The following BAZ2B variants were observed in gnomAD, a reference collection of about 807,000 sequenced individuals.
BAZ2B encodes the protein bromodomain adjacent to zinc finger domain protein 2B.
In BAZ2B, 91 loss-of-function variants were observed where a neutral mutation model predicts 246.0. That is an observed-to-expected ratio of 0.37 (90% confidence interval 0.31 to 0.44). The LOEUF is 0.44. BAZ2B is among the 20% of genes least tolerant of loss of function. BAZ2B has a pLI of 1.00. For synonymous variants in BAZ2B, 855 were observed against 860.0 expected, an observed-to-expected ratio of 0.99 and a Z score of 0.10; for missense variants, 2,332 against 2,533.7, an observed-to-expected ratio of 0.92 and a Z score of 1.71.
At chr2:159,626,142 A>G in the BAZ2B span, among the ~76,000 whole-genome samples, 11 of 152,316 alleles carry the variant, frequency 7.2e-5, no homozygotes, top group Non-Finnish European at 1.5e-4. Context: ...TCCTAAATAT[A>G]TATGCACCCA....
At chr2:159,346,715 A>G (rs186315365) in intron 31 of BAZ2B, among the ~76,000 whole-genome samples, 430 of 151,820 alleles carry the variant, frequency 2.8e-3, no homozygotes, top group African/African-American at 9.5e-3. Context: ...AAAACAAAAA[A>G]CCCCCAAACC....
chr2:159,502,673 A>G (rs1414359601), intron 2 of BAZ2B, among the ~76,000 whole-genome samples: 1 of 152,122 alleles, frequency 6.6e-6, no homozygotes, highest in Admixed American at 6.6e-5. Flanking sequence ...GTACTCAATG[A>G]CAGAATGCCA....
intron 27 of BAZ2B, among the ~76,000 whole-genome samples, chr2:159,359,525 G>T (rs1322244769): frequency 1.3e-5 from 2 of 152,112 alleles, no homozygotes; most frequent in Non-Finnish European, 2.9e-5. Context: ...TCTACCAGAG[G>T]TACAAAAGCG....
intron 10 of BAZ2B, among the ~76,000 whole-genome samples, chr2:159,429,829 T>C (rs1218720155): frequency 6.6e-6 from 1 of 152,182 alleles, no homozygotes; most frequent in Non-Finnish European, 1.5e-5. Flanking sequence ...ATTAGTAGGC[T>C]ATCATATTGG....
intron 1 of BAZ2B, among the ~76,000 whole-genome samples, chr2:159,585,300 T>G (rs1687784162): frequency 1.3e-5 from 2 of 152,174 alleles, no homozygotes. Context: ...TAAAGTGGCT[T>G]GCTCCACTTC....
chr2:159,436,734 G>A (rs1358507030), intron 8 of BAZ2B, among the ~76,000 whole-genome samples: 1 of 152,152 alleles, frequency 6.6e-6, no homozygotes, highest in Non-Finnish European at 1.5e-5. Flanking sequence ...CTGGGCAACA[G>A]AGCGAGACTC....
chr2:159,434,126 G>A (rs935876749), intron 8 of BAZ2B: 1 of 151,606 alleles, frequency 6.6e-6, no homozygotes, highest in African/African-American at 2.4e-5. Context: ...GCTCCATTGT[G>A]AAGTTGAAAG....
intron 17 of BAZ2B, 95 bp from the exon 18 acceptor site, chr2:159,398,989 G>T (rs1392378226): frequency 1.8e-6 from 2 of 1,099,654 alleles, no homozygotes; most frequent in African/African-American, 1.6e-5. Flanking sequence ...GTCTCACAAG[G>T]TACGAAACAG....
chr2:159,562,567 A>G (rs2089981599), intron 1 of BAZ2B, among the ~76,000 whole-genome samples: 1 of 152,200 alleles, frequency 6.6e-6, no homozygotes, highest in African/African-American at 2.4e-5. Flanking sequence ...TCTTGAGGTT[A>G]ATGTATATAC....
At chr2:159,599,103 G>A (rs966908985) in intron 1 of BAZ2B, among the ~76,000 whole-genome samples, 13 of 152,140 alleles carry the variant, frequency 8.5e-5, no homozygotes, top group South Asian at 4.1e-4. Flanking sequence ...GGGGGCACAC[G>A]CCTGTAATCC....
intron 29 of BAZ2B, 48 bp downstream of exon 29, chr2:159,348,959 T>C (rs1444408887): frequency 5.0e-6 from 8 of 1,593,292 alleles, no homozygotes; most frequent in Middle Eastern, 1.7e-4. Flanking sequence ...CAGGAATCCA[T>C]AATATTGAAA....
At chr2:159,416,627 A>G (rs1371885033) in intron 13 of BAZ2B, among the ~76,000 whole-genome samples, 1 of 152,158 alleles carries the variant, frequency 6.6e-6, no homozygotes, top group Non-Finnish European at 1.5e-5. Context: ...TTCTTATCCA[A>G]TTTTTACATA....
intron 27 of BAZ2B, among the ~76,000 whole-genome samples, chr2:159,357,177 C>A (rs534697379): frequency 6.6e-6 from 1 of 152,102 alleles, no homozygotes; most frequent in Non-Finnish European, 1.5e-5. Flanking sequence ...ACAAACTCCT[C>A]TGAGCTAAAG....
chr2:159,533,829 T>C (rs2085631943), intron 2 of BAZ2B, among the ~76,000 whole-genome samples: 1 of 152,190 alleles, frequency 6.6e-6, no homozygotes, highest in African/African-American at 2.4e-5. Context: ...TGTTTAAGCA[T>C]ATCATAACTT....
chr2:159,375,738 T>C (rs866770965), intron 25 of BAZ2B, among the ~76,000 whole-genome samples: 1 of 152,212 alleles, frequency 6.6e-6, no homozygotes, highest in South Asian at 2.1e-4. Context: ...CACATAGTTA[T>C]AGAGCTGTTA....
intron 6 of BAZ2B, among the ~76,000 whole-genome samples, chr2:159,445,777 T>C (rs2074142595): frequency 6.6e-6 from 1 of 152,114 alleles, no homozygotes; most frequent in Non-Finnish European, 1.5e-5. Flanking sequence ...AGCCACCCAT[T>C]GGCAGCCACA....
At chr2:159,404,675 A>C (rs1227026697) in intron 16 of BAZ2B, 174 bp downstream of exon 16, 3 of 562,532 alleles carry the variant, frequency 5.3e-6, no homozygotes, top group Non-Finnish European at 6.0e-6. Context: ...TGGAAGTAGA[A>C]GACTTTATTA....
In BAZ2B at chr2:159,377,851, ATG is replaced by A. The variant is rs2061583453; in HGVS notation, c.4006-3100_4006-3099del. Among the ~76,000 whole-genome samples, 4 of 151,702 alleles carry A rather than the reference ATG, an allele frequency of 2.6e-5. No individual in the cohort carries two copies. The East Asian group carries it at 7.8e-4, about 29-fold the overall frequency. The stretch of plus-strand genomic sequence containing the variant: ...AAAAAGAAGTGAAATACTACCTTAA[ATG>A]ACACATCTCCTTTAAAACTTTAATA... On this transcript the variant is annotated intron_variant, in intron 25 of 36. Coordinates refer to ENST00000392783, the MANE Select transcript of BAZ2B (RefSeq NM_013450.4).
At chr2:159,577,647 C>T (rs1685667143) in intron 1 of BAZ2B, among the ~76,000 whole-genome samples, 1 of 152,124 alleles carries the variant, frequency 6.6e-6, no homozygotes, top group Non-Finnish European at 1.5e-5. Context: ...AGAAACCTGA[C>T]AGCCTAGGGA....
Sources: gnomAD v4.1 joint callset for allele counts (sites outside exome capture counted in the v4.1 genomes callset) on GRCh38, gnomAD v4.1.1 for gene constraint, MANE v1.5 for transcripts, NCBI Gene and HGNC (gene_info 2026-07-23, HGNC 2026-07-21) for gene names.